RAD54L2: variants seen among roughly 807,000 people sequenced by gnomAD.
The protein encoded by RAD54L2 is RAD54 like 2, also known as helicase ARIP4.
A neutral mutation model predicts 138.4 loss-of-function variants in RAD54L2; 27 were observed. The ratio of observed to expected loss-of-function variants is 0.20; its 90% CI spans 0.14 to 0.27. The LOEUF (loss-of-function observed/expected upper bound fraction) is 0.27, where lower values mean the gene tolerates loss of function less well. Ranked by LOEUF, RAD54L2 falls within the 10% of genes least tolerant of loss-of-function variation. The pLI, the probability that RAD54L2 is intolerant of heterozygous loss-of-function variation, is 1.00. For synonymous variants in RAD54L2, 644 were observed against 723.2 expected (o/e 0.89, Z 1.76); for missense variants, 1,396 against 1,890.2 (o/e 0.74, Z 4.85).
intron 3 of RAD54L2, among the ~76,000 whole-genome samples, chr3:51,594,578 C>T (rs117592767): frequency 7.1e-4 from 108 of 152,200 alleles, no homozygotes; most frequent in South Asian, 3.5e-3. Context: ...ATCGCCTTTC[C>T]TGTGATGTGT....
intron 3 of RAD54L2, among the ~76,000 whole-genome samples, chr3:51,604,520 G>A (rs1700139150): frequency 6.6e-6 from 1 of 152,156 alleles, no homozygotes; most frequent in African/African-American, 2.4e-5. Context: ...CATGGACCTT[G>A]TAGACAAATC....
Position 51,663,283 on chromosome 3 carries a change from C to T in RAD54L2, c.4267C>T (p.His1423Tyr), listed in dbSNP as rs750027513. 3 of 1,613,974 alleles carry T rather than the reference C, an allele frequency of 1.9e-6. No individual in the cohort carries two copies. The highest frequency in any genetic ancestry group is 1.3e-5 in the African/African-American group (1 of 75,018). The change falls in exon 23 of 23, where the codon CAT becomes TAT. Residue 1423 changes from histidine (H) to tyrosine (Y), a missense_variant. Transcript: ENST00000684192. Reference sequence around the variant, plus strand: ...TATCTATCCAGGCTACATGTCCCCACATGCAGGCTACCCAGCTGGTGGCCT... The same window carrying T: ...TATCTATCCAGGCTACATGTCCCCATATGCAGGCTACCCAGCTGGTGGCCT... Reference protein sequence around the residue: ...MSIYPGYMSPHAGYPAGGLLR... With the variant: ...MSIYPGYMSPYAGYPAGGLLR...
chr3:51,635,900 T>C (rs1700973485), intron 10 of RAD54L2, 111 bp downstream of exon 10: 3 of 1,170,804 alleles, frequency 2.6e-6, no homozygotes, highest in Non-Finnish European at 3.5e-6. Context: ...TGAATTGTTA[T>C]CATGGACCAA....
At chr3:51,614,454 C>T (rs1700400484) in intron 3 of RAD54L2, among the ~76,000 whole-genome samples, 1 of 151,990 alleles carries the variant, frequency 6.6e-6, no homozygotes, top group Non-Finnish European at 1.5e-5. Flanking sequence ...ATGAGCCACC[C>T]CACACCTGGC....
At chr3:51,622,900 T>C (rs1700596829) in intron 3 of RAD54L2, among the ~76,000 whole-genome samples, 1 of 152,246 alleles carries the variant, frequency 6.6e-6, no homozygotes, top group African/African-American at 2.4e-5. Flanking sequence ...CTACCCATTC[T>C]GTTATTTCAA....
chr3:51,642,623 A>G (rs1162839429), intron 15 of RAD54L2, among the ~76,000 whole-genome samples: 1 of 152,212 alleles, frequency 6.6e-6, no homozygotes, highest in African/African-American at 2.4e-5. Flanking sequence ...TACTCACTAG[A>G]TGGCAGTAGT....
rs1699555421 is a variant in RAD54L2 at position 51,579,242 on chromosome 3, A to C, written c.-54-11125A>C. Among the ~76,000 whole-genome samples, 4 of 147,864 alleles carry C rather than the reference A, an allele frequency of 2.7e-5. No homozygotes were observed. The South Asian group carries it at 8.5e-4, about 32-fold the overall frequency. On this transcript the variant is annotated intron_variant, in intron 2 of 22. Coordinates refer to ENST00000684192, the MANE Select transcript of RAD54L2 (RefSeq NM_015106.4). ...CAGCGGTGCAGTCTTGGCTCACTGC[A>C]AGCTCCACCTCAAGCCTGGGATTTT...
chr3:51,639,104 C>T, intron 12 of RAD54L2: 1 of 349,516 alleles, frequency 2.9e-6, no homozygotes, highest in Non-Finnish European at 5.3e-6. Context: ...CACTGTGAAA[C>T]TGGAACATTC....
chr3:51,630,640 G>T (rs866607145), intron 6 of RAD54L2, 65 bp from the exon 7 acceptor site: 4 of 1,331,674 alleles, frequency 3.0e-6, no homozygotes, highest in South Asian at 2.5e-5. Flanking sequence ...CTTCTGCTCT[G>T]ACTGTGTGCA....
chr3:51,649,969 C>T (rs71523651), intron 19 of RAD54L2, among the ~76,000 whole-genome samples: 2 of 152,242 alleles, frequency 1.3e-5, no homozygotes, highest in African/African-American at 4.8e-5. Context: ...CTAAATGCCC[C>T]AGTTAAAAGA....
chr3:51,629,501 C>T, intron 5 of RAD54L2, 28 bp downstream of exon 5: 18 of 1,607,998 alleles, frequency 1.1e-5, no homozygotes, highest in Non-Finnish European at 1.5e-5. Context: ...CAGGGAAGGC[C>T]CTTTGCTTCA....
chr3:51,647,625 C>T (rs1018327878), intron 19 of RAD54L2, among the ~76,000 whole-genome samples: 44 of 152,122 alleles, frequency 2.9e-4, no homozygotes, highest in African/African-American at 7.7e-4. Context: ...GCCGAGATCG[C>T]GCCATTGCAC....
At chr3:51,584,366 T>C (rs1699668920) in intron 2 of RAD54L2, among the ~76,000 whole-genome samples, 1 of 152,124 alleles carries the variant, frequency 6.6e-6, no homozygotes, top group Non-Finnish European at 1.5e-5. Context: ...TATTTCCAAG[T>C]AAAATGTTGA....
intron 2 of RAD54L2, among the ~76,000 whole-genome samples, chr3:51,548,090 C>T (rs186334203): frequency 3.8e-4 from 58 of 151,726 alleles, no homozygotes; most frequent in Non-Finnish European, 6.9e-4. Flanking sequence ...GATGGGGTTT[C>T]GCCATGTTGG....
At chr3:51,606,671 T>TA (rs1232633956) in intron 3 of RAD54L2, among the ~76,000 whole-genome samples, 7 of 151,996 alleles carry the variant, frequency 4.6e-5, no homozygotes, top group Admixed American at 1.3e-4. Context: ...TTTTTTTTTT[T>TA]ATGTATCTAT....
Position 51,663,775 on chromosome 3 carries a change from T to C in RAD54L2, c.*355T>C, listed in dbSNP as rs1050083428. The C allele has an allele frequency of 5.0e-6, 1 of 198,436 alleles. No homozygotes were observed. Among genetic ancestry groups the C allele is most frequent in the African/African-American group, 2.3e-5 (1 of 42,680 alleles). 12.3% of individuals were successfully genotyped at this position (198,436 alleles called of 1,614,324 possible). On this transcript the variant is annotated 3_prime_UTR_variant, in exon 23 of 23. Transcript: ENST00000684192. Reference sequence around the variant, plus strand: ...CATCCCATTTCTGTCTTTGGGAACATTCTTTCCCAAGAGAGCTGCCTTACT... The same window carrying C: ...CATCCCATTTCTGTCTTTGGGAACACTCTTTCCCAAGAGAGCTGCCTTACT...
At position 51,605,143 on chromosome 3, in the gene RAD54L2, G is replaced by A. The variant is rs569301171; in HGVS notation, c.139+14584G>A. Among the ~76,000 whole-genome samples the A allele has an allele frequency of 9.7e-5, 14 of 143,788 alleles. No homozygotes were observed. In the South Asian group the frequency reaches 2.8e-3, roughly 29 times the overall value. The allele number at this position is 143,788 out of a possible 152,430, so 94.3% of individuals were successfully genotyped here. On this transcript the variant is annotated intron_variant, in intron 3 of 22. Transcript: ENST00000684192. Reference sequence around the variant, plus strand: ...CTTGATCTGTCGCCCAGGCTGCAGTGCAGTGGCGCGATCTCCGCTCGCTGC... The same window carrying A: ...CTTGATCTGTCGCCCAGGCTGCAGTACAGTGGCGCGATCTCCGCTCGCTGC...
At chr3:51,659,758 C>A (rs114658010) in intron 21 of RAD54L2, among the ~76,000 whole-genome samples, 2 of 152,322 alleles carry the variant, frequency 1.3e-5, no homozygotes, top group African/African-American at 2.4e-5. Context: ...AGACTAAGCT[C>A]CATGAGACAG....
At chr3:51,554,570 A>C (rs970992215) in intron 2 of RAD54L2, among the ~76,000 whole-genome samples, 3 of 152,146 alleles carry the variant, frequency 2.0e-5, no homozygotes, top group Non-Finnish European at 4.4e-5. Context: ...ACGAAATAAA[A>C]ATATTTTACC....
Sources: allele counts gnomAD v4.1 joint callset (sites outside exome capture counted in the v4.1 genomes callset), GRCh38; gene constraint gnomAD v4.1.1; transcripts MANE v1.5; gene names NCBI Gene and HGNC (gene_info 2026-07-23, HGNC 2026-07-21).